Variants in STXBP5L observed in about 807,000 individuals in gnomAD.
STXBP5L encodes the protein syntaxin binding protein 5L.
STXBP5L carries 65 observed loss-of-function variants against 144.5 expected under a neutral mutation model. The ratio of observed to expected loss-of-function variants is 0.45; its 90% CI spans 0.37 to 0.55. The LOEUF is 0.55. STXBP5L is among the 20% of genes least tolerant of loss of function. The pLI is 0.00. For missense variants in STXBP5L, 1,298 were observed against 1,405.5 expected (o/e 0.92, Z 1.22); for synonymous variants, 505 against 469.6 (o/e 1.08, Z -0.97).
intron 5 of STXBP5L, among the ~76,000 whole-genome samples, chr3:121,085,011 CTT>C (rs138992281): frequency 0.099 from 15,025 of 151,718 alleles, 1,160 homozygotes; most frequent in Admixed American, 0.2. Context: ...GCATGTATGT[CTT>C]TTTTTGAGAA....
At chr3:121,294,386 A>G (rs911640145) in intron 19 of STXBP5L, among the ~76,000 whole-genome samples, 6 of 152,190 alleles carry the variant, frequency 3.9e-5, no homozygotes, top group African/African-American at 1.4e-4. Context: ...AAGAAGCTTG[A>G]GATAGGAGGG....
At chr3:121,056,693 C>T (rs1948481984) in intron 5 of STXBP5L, among the ~76,000 whole-genome samples, 1 of 152,120 alleles carries the variant, frequency 6.6e-6, no homozygotes, top group Admixed American at 6.6e-5. Context: ...TCTTCTATTC[C>T]TGTCCCCTGG....
chr3:121,206,230 A>C (rs889703363), intron 10 of STXBP5L, among the ~76,000 whole-genome samples: 1 of 152,186 alleles, frequency 6.6e-6, no homozygotes, highest in Non-Finnish European at 1.5e-5. Context: ...ACATTTAGAC[A>C]AGTATTATAC....
chr3:121,327,541 G>A (rs903622693), intron 20 of STXBP5L, among the ~76,000 whole-genome samples: 2 of 152,138 alleles, frequency 1.3e-5, no homozygotes, highest in Non-Finnish European at 2.9e-5. Flanking sequence ...AGTCTCTCAT[G>A]CTATACCACT....
chr3:121,069,168 A>T (rs1220829556), intron 5 of STXBP5L, among the ~76,000 whole-genome samples: 1 of 152,098 alleles, frequency 6.6e-6, no homozygotes, highest in Admixed American at 6.5e-5. Flanking sequence ...TATCTCTCCT[A>T]TTTCTAACGC....
intron 19 of STXBP5L, among the ~76,000 whole-genome samples, chr3:121,311,882 C>T (rs2043541698): frequency 6.6e-6 from 1 of 152,136 alleles, no homozygotes; most frequent in Non-Finnish European, 1.5e-5. Flanking sequence ...CCCGCATCAC[C>T]AAGTCAATCC....
At chr3:121,166,186 T>C (rs2046492020) in intron 9 of STXBP5L, among the ~76,000 whole-genome samples, 1 of 152,062 alleles carries the variant, frequency 6.6e-6, no homozygotes, top group South Asian at 2.1e-4. Context: ...TTTATACTTT[T>C]TGTAGACACA....
In STXBP5L at chr3:121,021,943, A is replaced by G. The variant is rs541526937; in HGVS notation, c.288-19757A>G. On this transcript the variant is annotated intron_variant, in intron 3 of 26. Transcript: ENST00000471454. ...AACAGAGCAGAACTAAATGAAATTG[A>G]AACTAAAAAATATACAAAAGACAAA... Among the ~76,000 whole-genome samples, 28 of 152,320 alleles carry G rather than the reference A, an allele frequency of 1.8e-4. No homozygotes were observed. The South Asian group carries it at 5.8e-3, about 32-fold the overall frequency.
chr3:121,253,944 CG>C (rs1242560089), intron 15 of STXBP5L, among the ~76,000 whole-genome samples: 1 of 151,632 alleles, frequency 6.6e-6, no homozygotes, highest in African/African-American at 2.4e-5. Flanking sequence ...TGAGCCACTG[CG>C]CCCGGCCGCA....
intron 3 of STXBP5L, among the ~76,000 whole-genome samples, chr3:120,981,308 A>G (rs1398495828): frequency 1.3e-5 from 2 of 152,124 alleles, no homozygotes; most frequent in Admixed American, 6.5e-5. Flanking sequence ...AATACTTTTT[A>G]CATCTTCTTC....
intron 5 of STXBP5L, among the ~76,000 whole-genome samples, chr3:121,058,691 C>T (rs1948619245): frequency 6.6e-6 from 1 of 152,160 alleles, no homozygotes; most frequent in Non-Finnish European, 1.5e-5. Context: ...GATGGTATCT[C>T]ATTGTGGTTT....
chr3:121,039,133 A>T (rs894825324), intron 3 of STXBP5L, among the ~76,000 whole-genome samples: 14 of 151,832 alleles, frequency 9.2e-5, no homozygotes, highest in South Asian at 2.1e-4. Flanking sequence ...TAAATCTACC[A>T]TCTTGCTCTT....
chr3:121,124,555 G>A (rs1379234936), intron 7 of STXBP5L, among the ~76,000 whole-genome samples: 2 of 151,916 alleles, frequency 1.3e-5, no homozygotes, highest in Non-Finnish European at 2.9e-5. Context: ...CTTGTGACTT[G>A]TGACTTAATC....
intron 5 of STXBP5L, among the ~76,000 whole-genome samples, chr3:121,113,831 C>T (rs886906578): frequency 1.4e-4 from 21 of 151,742 alleles, no homozygotes; most frequent in African/African-American, 4.8e-5. Context: ...CACCACCACG[C>T]CCGGCTAATT....
chr3:120,969,396 G>GTTTTTTTTTT (rs57093267), intron 3 of STXBP5L, among the ~76,000 whole-genome samples: 5 of 131,318 alleles, frequency 3.8e-5, no homozygotes, highest in Non-Finnish European at 6.5e-5. Flanking sequence ...GATTATTTGT[G>GTTTTTTTTTT]TTTTTTTTTT....
intron 20 of STXBP5L, among the ~76,000 whole-genome samples, chr3:121,372,003 A>T (rs2046045196): frequency 6.6e-6 from 1 of 152,218 alleles, no homozygotes; most frequent in African/African-American, 2.4e-5. Context: ...ACCTGCACAC[A>T]CATGTGCTGG....
chr3:120,976,917 T>C (rs1941103690), intron 3 of STXBP5L, among the ~76,000 whole-genome samples: 1 of 152,074 alleles, frequency 6.6e-6, no homozygotes, highest in South Asian at 2.1e-4. Context: ...AGACAGTTTG[T>C]TATAATTTCT....
chr3:120,973,169 G>A (rs150422632), intron 3 of STXBP5L, among the ~76,000 whole-genome samples: 47 of 152,096 alleles, frequency 3.1e-4, no homozygotes, highest in African/African-American at 1.1e-3. Context: ...TGTAAATGTG[G>A]TATAATTCAG....
In STXBP5L at chr3:121,024,662, T is replaced by C. The variant is rs568692117; in HGVS notation, c.288-17038T>C. Among the ~76,000 whole-genome samples the C allele has an allele frequency of 2.0e-5, 3 of 152,264 alleles. No individual in the cohort carries two copies. The East Asian group carries it at 5.8e-4, about 29-fold the overall frequency. ...TTATAAACTCATTCTACCATTAATG[T>C]CATTTGTTAATTTAATTTGCAACAC... On this transcript the variant is annotated intron_variant, in intron 3 of 26. Transcript: ENST00000471454.
Sources: allele counts gnomAD v4.1 joint callset (sites outside exome capture counted in the v4.1 genomes callset), GRCh38; gene constraint gnomAD v4.1.1; transcripts MANE v1.5; gene names NCBI Gene and HGNC (gene_info 2026-07-23, HGNC 2026-07-21).